Variants in CD82 observed in about 807,000 individuals in gnomAD.
CD82 encodes CD82 antigen.
CD82 carries 36 observed loss-of-function variants against 37.4 expected under a neutral mutation model. That is an observed-to-expected ratio of 0.96 (90% CI 0.74 to 1.27). The LOEUF (loss-of-function observed/expected upper bound fraction) is 1.27. Among genes scored for constraint, CD82 ranks in the 50% most tolerant of loss-of-function variants. The pLI, the probability that CD82 is intolerant of heterozygous loss-of-function variation, is 0.00. For missense variants in CD82, 340 were observed against 347.0 expected (o/e 0.98, Z 0.16); for synonymous variants, 158 against 137.4 (o/e 1.15, Z -1.05).
At chr11:44,574,815 C>T (rs1477365561) in intron 1 of CD82, among the ~76,000 whole-genome samples, 7 of 152,168 alleles carry the variant, frequency 4.6e-5, no homozygotes, top group African/African-American at 1.7e-4. Flanking sequence ...TGTGATTGAG[C>T]ATTCTTCTCC....
intron 1 of CD82, among the ~76,000 whole-genome samples, chr11:44,569,023 C>T (rs181170700): frequency 5.9e-5 from 9 of 152,318 alleles, no homozygotes; most frequent in East Asian, 1.9e-4. Context: ...GAACATCAAA[C>T]GGCCAGGAGC....
Position 44,618,185 on chromosome 11 carries a change from C to G in CD82, c.462C>G (p.Ser154Arg). Residue 154 changes from serine (S) to arginine (R), a missense_variant, in exon 8 of 10, where the codon AGC (serine) becomes AGG (arginine). Transcript: ENST00000227155. ...AGGTGAAGTGCTGCGGCTGGGTCAG[C>G]TTCTACAACTGGACAGACAACGCTG... is the stretch of plus-strand genomic sequence containing the variant. ...QAQVKCCGWV[S>R]FYNWTDNAEL... The G allele has an allele frequency of 6.2e-7, 1 of 1,614,048 alleles. No homozygotes were observed. Among genetic ancestry groups the G allele is most frequent in the East Asian group, 2.2e-5 (1 of 44,866 alleles).
rs904744187 is a variant in CD82 at position 44,597,412 on chromosome 11, A to T, written c.63+2687A>T. On this transcript the variant is annotated intron_variant, in intron 3 of 9. Transcript: ENST00000227155. This position sits in a 1 kb window ranked among gnomAD's most constrained non-coding sequence, Gnocchi z 4.1. The stretch of plus-strand genomic sequence containing the variant: ...CCCCACAGCTCCAGTCTTGGTTCAC[A>T]GAGAAAAAGGGGGTGCCATGGTGCC... Among the ~76,000 whole-genome samples the T allele has an allele frequency of 3.3e-5, 5 of 152,202 alleles. No homozygotes were observed. The highest frequency in any genetic ancestry group is 1.2e-4 in the African/African-American group (5 of 41,444).
chr11:44,588,372 C>T (rs776631028), intron 2 of CD82, among the ~76,000 whole-genome samples: 7 of 151,950 alleles, frequency 4.6e-5, no homozygotes, highest in Non-Finnish European at 8.8e-5. Context: ...TGCAGGCACC[C>T]GCCACCATGC....
intron 2 of CD82, among the ~76,000 whole-genome samples, chr11:44,589,991 G>A (rs1590335590): frequency 6.6e-6 from 1 of 151,952 alleles, no homozygotes; most frequent in Admixed American, 6.6e-5. Context: ...CCGCCACCAC[G>A]CCTGGCTAAT....
At chr11:44,590,375 G>A (rs1853123124) in intron 2 of CD82, among the ~76,000 whole-genome samples, 2 of 151,672 alleles carry the variant, frequency 1.3e-5, no homozygotes, top group African/African-American at 2.4e-5. Context: ...TTAGGAGGCC[G>A]AGGCAGGTGG....
intron 1 of CD82, among the ~76,000 whole-genome samples, chr11:44,579,940 G>A (rs1852956824): frequency 6.6e-6 from 1 of 152,160 alleles, no homozygotes; most frequent in Admixed American, 6.5e-5. Flanking sequence ...CTCTCAGGAT[G>A]TTAAAGGGAG....
Position 44,605,102 on chromosome 11 carries a change from G to A in CD82, c.181G>A (p.Gly61Ser). Residue 61 changes from glycine (G) to serine (S), a missense_variant, in exon 5 of 10, where the codon GGC becomes AGC. Transcript: ENST00000227155. The stretch of plus-strand genomic sequence containing the variant: ...TAGGATGGGGGCCTATGTCTTCATC[G>A]GCGTGGGGGCAGTCACTATGCTCAT... The part of the protein sequence containing the change: ...SLRMGAYVFI[G>S]VGAVTMLMGF... 6.2e-7 allele frequency: 1 copy of A among 1,614,182 alleles called. No homozygotes were observed. The highest frequency in any genetic ancestry group is 8.5e-7 in the Non-Finnish European group (1 of 1,180,034).
At position 44,597,449 on chromosome 11, in the gene CD82, G is replaced by A. The variant is rs999877577; in HGVS notation, c.64-2709G>A. 4.6e-5 allele frequency among the ~76,000 whole-genome samples: 7 copies of A among 152,232 alleles called. No individual in the cohort carries two copies. Among genetic ancestry groups the A allele is most frequent in the Non-Finnish European group, 4.4e-5 (3 of 68,036 alleles). On this transcript the variant is annotated intron_variant, in intron 3 of 9. Transcript: ENST00000227155. The surrounding 1 kb of genome is among the most constrained non-coding windows in gnomAD (Gnocchi z 4.1). ...GGTGCCATGGTGCCTTGCCCATTCT[G>A]GTAGGCTGCCCAGCCTCCTTTCTGG...
chr11:44,594,271 G>A (rs944386624), intron 2 of CD82, among the ~76,000 whole-genome samples: 1 of 152,162 alleles, frequency 6.6e-6, no homozygotes, highest in Non-Finnish European at 1.5e-5. Flanking sequence ...CTGGGTCTCT[G>A]TCAATGGATC....
intron 6 of CD82, among the ~76,000 whole-genome samples, chr11:44,612,306 G>T (rs1054862866): frequency 4.6e-5 from 7 of 152,310 alleles, no homozygotes; most frequent in African/African-American, 1.7e-4. Context: ...GTGACTTTGG[G>T]CAAGTTAATT....
At chr11:44,579,309 T>C (rs1006282194) in intron 1 of CD82, among the ~76,000 whole-genome samples, 1 of 151,724 alleles carries the variant, frequency 6.6e-6, no homozygotes, top group African/African-American at 2.4e-5. Context: ...AGGCAGGACA[T>C]GCAGGGCAAC....
Position 44,619,351 on chromosome 11 carries a change from G to C in CD82, c.*225G>C, listed in dbSNP as rs1853623697. The C allele has an allele frequency of 3.6e-6, 2 of 554,564 alleles. No homozygotes were observed. The highest frequency in any genetic ancestry group is 3.2e-6 in the Non-Finnish European group (1 of 309,756). 34.4% of individuals were successfully genotyped at this position (554,564 alleles called of 1,614,324 possible). A position where few individuals can be genotyped will look rare whatever the true frequency, so the allele number is the denominator to read the frequency against. On this transcript the variant is annotated 3_prime_UTR_variant, in exon 10 of 10. Coordinates refer to ENST00000227155, the MANE Select transcript of CD82 (RefSeq NM_002231.4). The stretch of plus-strand genomic sequence containing the variant: ...TGGTTCCTCTGCTCACCGCCCATCA[G>C]GGTTCTCTTAGCAACTCAGAGAAAA...
chr11:44,612,535 CTT>C (rs200389044), intron 6 of CD82, among the ~76,000 whole-genome samples: 2,187 of 120,684 alleles, frequency 0.018, 66 homozygotes, highest in African/African-American at 0.06. Flanking sequence ...TGTATAAGGG[CTT>C]TTTTTTTTTT....
chr11:44,600,943 G>T (rs1280988776), intron 4 of CD82, among the ~76,000 whole-genome samples: 1 of 152,234 alleles, frequency 6.6e-6, no homozygotes, highest in Non-Finnish European at 1.5e-5. Context: ...CACATGGCAG[G>T]GTGAGCCACA....
Position 44,615,171 on chromosome 11 carries a change from G to T in CD82, c.337-101G>T, listed in dbSNP as rs549057810. The T allele has an allele frequency of 3.5e-5, 26 of 753,300 alleles. No homozygotes were observed. The East Asian group carries it at 6.9e-4, about 20-fold the overall frequency. The allele number at this position is 753,300 out of a possible 1,614,324, so 46.7% of individuals were successfully genotyped here. ...GCTGGAGCCATGAGCGTGTCCCAGGGTTGCTGAGGGGAACGGGGGGAGGCA... is the reference window on the plus strand; with the variant it reads ...GCTGGAGCCATGAGCGTGTCCCAGGTTTGCTGAGGGGAACGGGGGGAGGCA... On this transcript the variant is annotated intron_variant, in intron 6 of 9. Transcript: ENST00000227155.
chr11:44,575,805 C>T (rs1852882868), intron 1 of CD82, among the ~76,000 whole-genome samples: 1 of 152,164 alleles, frequency 6.6e-6, no homozygotes, highest in Admixed American at 6.5e-5. Flanking sequence ...TGGGAACTTT[C>T]TGTGCAGGAG....
chr11:44,581,868 C>G (rs1565082777), intron 1 of CD82, among the ~76,000 whole-genome samples: 1 of 152,228 alleles, frequency 6.6e-6, no homozygotes, highest in Non-Finnish European at 1.5e-5. Flanking sequence ...TCTGTGTCCA[C>G]CTTCTTCATG....
intron 2 of CD82, among the ~76,000 whole-genome samples, chr11:44,591,516 C>T (rs1273475973): frequency 1.3e-5 from 2 of 152,238 alleles, no homozygotes; most frequent in African/African-American, 4.8e-5. Context: ...TTTGTCCTCA[C>T]ACCTAACTGG....
Sources: gnomAD v4.1 joint callset for allele counts (sites outside exome capture counted in the v4.1 genomes callset) on GRCh38, gnomAD v4.1.1 for gene constraint, Gnocchi (gnomAD v3.1) non-coding constraint, MANE v1.5 for transcripts, NCBI Gene and HGNC (gene_info 2026-07-23, HGNC 2026-07-21) for gene names.